TMEM132D: variants seen among roughly 807,000 people sequenced by gnomAD.
The protein encoded by TMEM132D is mature OL transmembrane protein.
TMEM132D carries 21 observed loss-of-function variants against 62.3 expected under a neutral mutation model. The ratio of observed to expected loss-of-function variants is 0.34; its 90% CI spans 0.24 to 0.49. TMEM132D has a LOEUF of 0.49. TMEM132D is among the 20% of genes least tolerant of loss of function. The pLI is 0.99. For synonymous variants in TMEM132D, 621 were observed against 575.6 expected (o/e 1.08, Z -1.13); for missense variants, 1,346 against 1,402.8 (o/e 0.96, Z 0.65).
intron 5 of TMEM132D, among the ~76,000 whole-genome samples, chr12:129,107,394 G>A (rs1875535304): frequency 6.6e-6 from 1 of 152,192 alleles, no homozygotes; most frequent in South Asian, 2.1e-4. Flanking sequence ...AAATGCACTT[G>A]TAATTTAATG....
At chr12:129,550,761 T>C (rs12229410) in intron 2 of TMEM132D, among the ~76,000 whole-genome samples, 28,937 of 152,100 alleles carry the variant, frequency 0.19, 3,256 homozygotes, top group East Asian at 0.46. Context: ...TTCCTCTCAC[T>C]ACTTCAGTCC....
chr12:129,221,033 C>T (rs372265707), intron 4 of TMEM132D, among the ~76,000 whole-genome samples: 5 of 152,242 alleles, frequency 3.3e-5, no homozygotes, highest in East Asian at 3.9e-4. Flanking sequence ...AGGAATGCTC[C>T]GAGAATATGC....
intron 2 of TMEM132D, among the ~76,000 whole-genome samples, chr12:129,542,451 GGTT>G (rs1336017579): frequency 6.9e-6 from 1 of 145,528 alleles, no homozygotes; most frequent in African/African-American, 2.5e-5. Flanking sequence ...TCTTTTGGGA[GGTT>G]GTTAATTTTT....
intron 1 of TMEM132D, among the ~76,000 whole-genome samples, chr12:129,799,797 C>T (rs148883733): frequency 1.1e-3 from 173 of 152,280 alleles, no homozygotes; most frequent in African/African-American, 3.8e-3. Context: ...TCCTCCCCCA[C>T]AGACAGAGGT....
intron 1 of TMEM132D, among the ~76,000 whole-genome samples, chr12:129,728,962 G>A (rs1405479748): frequency 2.0e-5 from 3 of 152,068 alleles, no homozygotes; most frequent in Non-Finnish European, 2.9e-5. Context: ...CTGACTTTGC[G>A]GGGTGTTATT....
intron 2 of TMEM132D, among the ~76,000 whole-genome samples, chr12:129,653,962 T>C (rs1212272009): frequency 6.6e-6 from 1 of 152,188 alleles, no homozygotes; most frequent in Non-Finnish European, 1.5e-5. Flanking sequence ...CCTATCTCTT[T>C]AGGAGGCTCT....
chr12:129,077,341 C>A (rs1200334166), intron 8 of TMEM132D, among the ~76,000 whole-genome samples: 1 of 152,182 alleles, frequency 6.6e-6, no homozygotes, highest in East Asian at 1.9e-4. Context: ...TCCAGCTGCC[C>A]CACATGAGGA....
intron 1 of TMEM132D, among the ~76,000 whole-genome samples, chr12:129,736,813 CTTT>C (rs34164181): frequency 7.9e-6 from 1 of 126,890 alleles, no homozygotes. Flanking sequence ...ATGATGGTGC[CTTT>C]TTTTTTTTTT....
rs369858564 is a variant in TMEM132D, at chr12:129,762,515, C to A, written c.80-61817G>T. ...TGTTTTGCTCTGTCTTCTTTTCACC[C>A]TTCTGAAGTCTCAGGCAGGTAGACT... On this transcript the variant is annotated intron_variant, in intron 1 of 8. Transcript: ENST00000422113. 3.3e-3 allele frequency among the ~76,000 whole-genome samples: 503 copies of A among 152,152 alleles called. 1 individual carries two copies. Among genetic ancestry groups the A allele is most frequent in the African/African-American group, 0.012 (488 of 41,516 alleles).
At chr12:129,084,939 G>C in intron 5 of TMEM132D, 6 of 559,866 alleles carry the variant, frequency 1.1e-5, no homozygotes, top group Non-Finnish European at 1.9e-5. Flanking sequence ...GGGTCCCTGT[G>C]GCTAGGTTGG....
At chr12:129,347,641 C>T (rs7961987) in intron 3 of TMEM132D, among the ~76,000 whole-genome samples, 149,964 of 152,310 alleles carry the variant, frequency 0.98, 73,860 homozygotes, top group Middle Eastern at 1. Context: ...ATTCAGGACA[C>T]AGGCATAGGC....
intron 4 of TMEM132D, among the ~76,000 whole-genome samples, chr12:129,216,167 A>G (rs1410053974): frequency 1.3e-5 from 2 of 152,230 alleles, no homozygotes; most frequent in Non-Finnish European, 2.9e-5. Context: ...TAACATGAGC[A>G]TAATGATGGT....
Position 129,789,536 on chromosome 12 carries a change from A to C in TMEM132D, c.80-88838T>G, listed in dbSNP as rs573521903. Among the ~76,000 whole-genome samples the C allele has an allele frequency of 6.6e-5, 10 of 152,366 alleles. No homozygotes were observed. The East Asian group carries it at 1.9e-3, about 29-fold the overall frequency. Reference sequence around the variant, plus strand: ...GCAGTATATGCAATATACACCGTGGAATACTACTCAGCTATAAATGAAGGA... The same window carrying C: ...GCAGTATATGCAATATACACCGTGGCATACTACTCAGCTATAAATGAAGGA... On this transcript the variant is annotated intron_variant, in intron 1 of 8. Coordinates refer to ENST00000422113, the MANE Select transcript of TMEM132D (RefSeq NM_133448.3).
intron 2 of TMEM132D, among the ~76,000 whole-genome samples, chr12:129,607,871 T>C (rs1878671009): frequency 6.6e-6 from 1 of 152,178 alleles, no homozygotes. Flanking sequence ...AGCTTTTAAT[T>C]CCACCCATCA....
chr12:129,144,370 T>C (rs1156869971), intron 5 of TMEM132D, among the ~76,000 whole-genome samples: 1 of 152,190 alleles, frequency 6.6e-6, no homozygotes, highest in Non-Finnish European at 1.5e-5. Context: ...TAACTTGCTT[T>C]GGTCAATCTG....
intron 5 of TMEM132D, among the ~76,000 whole-genome samples, chr12:129,179,401 C>T (rs1179183197): frequency 2.0e-5 from 3 of 151,952 alleles, no homozygotes; most frequent in Non-Finnish European, 4.4e-5. Context: ...TCCAGAGCCT[C>T]CCCAGTTTGG....
chr12:129,607,975 G>A (rs563817706), intron 2 of TMEM132D, among the ~76,000 whole-genome samples: 30 of 152,310 alleles, frequency 2.0e-4, no homozygotes, highest in African/African-American at 5.5e-4. Flanking sequence ...TGCTGACTGC[G>A]GCGGGGGAGG....
intron 2 of TMEM132D, among the ~76,000 whole-genome samples, chr12:129,687,954 A>G (rs1395768969): frequency 1.3e-5 from 2 of 152,184 alleles, no homozygotes; most frequent in Non-Finnish European, 2.9e-5. Context: ...CTGTTATTAC[A>G]TTCCTCTCTC....
In TMEM132D at chr12:129,883,092, AG is replaced by A. The variant is rs541042005; in HGVS notation, c.79+20168del. ...GTGTGGACAGGCATAAAGACTGAAA[AG>A]CAAGAAACACAATTATATTCAAAAA... On this transcript the variant is annotated intron_variant, in intron 1 of 8. Transcript: ENST00000422113. Among the ~76,000 whole-genome samples, 9 of 152,320 alleles carry A rather than the reference AG, an allele frequency of 5.9e-5. No homozygotes were observed. In the East Asian group the frequency reaches 1.7e-3, roughly 29 times the overall value.
Sources: allele counts gnomAD v4.1 joint callset (sites outside exome capture counted in the v4.1 genomes callset), GRCh38; gene constraint gnomAD v4.1.1; transcripts MANE v1.5; gene names NCBI Gene and HGNC (gene_info 2026-07-23, HGNC 2026-07-21).